The following CKAP2 variants were observed in gnomAD, a reference collection of about 807,000 sequenced individuals.
CKAP2 encodes cytoskeleton-associated protein 2.
CKAP2 carries 46 observed loss-of-function variants against 58.4 expected under a neutral mutation model. That is an observed-to-expected ratio of 0.79 (90% CI 0.62 to 1.01). The LOEUF is 1.01. CKAP2 is among the 50% of genes least tolerant of loss of function. CKAP2 has a pLI of 0.00. For missense variants in CKAP2, 809 were observed against 796.4 expected (o/e 1.02, Z -0.19); for synonymous variants, 293 against 280.9 (o/e 1.04, Z -0.43).
chr13:52,475,072 A>G lies in CKAP2; in HGVS notation c.1980A>G (p.Glu660=). Residue 660 remains glutamate, a synonymous_variant, in exon 9 of 9, where the codon GAA becomes GAG. Transcript: ENST00000258607. The part of the protein sequence containing the change: ...SLEQLTELGR[E]TDAFVCRPNA... ...AACAGCTAACGGAGTTGGGAAGAGA[A>G]ACTGATGCTTTTGTATGCCGCCCTA... The G allele has an allele frequency of 6.2e-7, 1 of 1,614,232 alleles. No individual in the cohort carries two copies. The highest frequency in any genetic ancestry group is 8.5e-7 in the Non-Finnish European group (1 of 1,180,034).
At position 52,471,107 on chromosome 13, in the gene CKAP2, A is replaced by G. The variant is rs191150606; in HGVS notation, c.1547-2722A>G. Among the ~76,000 whole-genome samples the G allele has an allele frequency of 7.4e-3, 1,126 of 152,188 alleles. 6 individuals are homozygous for G. The highest frequency in any genetic ancestry group is 0.017 in the African/African-American group (703 of 41,522). Reference sequence around the variant, plus strand: ...CGGGAAGTGGAGGTTGCAGTGAGCCAAGATCGCACCACTGCACTCCAGCCT... The same window carrying G: ...CGGGAAGTGGAGGTTGCAGTGAGCCGAGATCGCACCACTGCACTCCAGCCT... On this transcript the variant is annotated intron_variant, in intron 7 of 8. Coordinates refer to ENST00000258607, the MANE Select transcript of CKAP2 (RefSeq NM_018204.5).
At chr13:52,465,195 A>T (rs1958646396) in intron 5 of CKAP2, 100 bp from the exon 6 acceptor site, 2 of 982,280 alleles carry the variant, frequency 2.0e-6, no homozygotes, top group African/African-American at 1.6e-5. Context: ...CTTTATGCTT[A>T]GGGCTATCGT....
intron 1 of CKAP2, 84 bp downstream of exon 1, chr13:52,455,710 T>C: frequency 8.2e-6 from 11 of 1,347,690 alleles, no homozygotes; most frequent in Non-Finnish European, 1.1e-5. Flanking sequence ...GGGGCCGCGC[T>C]GGCGCGCTTC....
chr13:52,467,957 C>T (rs1958705547), intron 6 of CKAP2, among the ~76,000 whole-genome samples: 1 of 152,006 alleles, frequency 6.6e-6, no homozygotes, highest in Non-Finnish European at 1.5e-5. Context: ...CTACAGGCGC[C>T]TGCCACCACG....
At chr13:52,465,940 T>TATACACACATATAC in intron 6 of CKAP2, 1 of 300,816 alleles carries the variant, frequency 3.3e-6, no homozygotes, top group East Asian at 8.0e-5. Flanking sequence ...CACACATATA[T>TATACACACATATAC]ATACACATAT....
chr13:52,472,661 C>T (rs1431203075), intron 7 of CKAP2, among the ~76,000 whole-genome samples: 1 of 152,094 alleles, frequency 6.6e-6, no homozygotes, highest in African/African-American at 2.4e-5. Context: ...AAACTCTTCT[C>T]TGGCATTTAT....
In CKAP2 at chr13:52,461,863, C is replaced by T. The variant is rs775165143; in HGVS notation, c.1037C>T (p.Thr346Ile). ...KSEPVDQRRH[T>I]AGKAIVDSRS... ...GAGCCCGTTGACCAGCGAAGACATACTGCAGGAAAAGCAATTGTTGATAGT... is the reference window on the plus strand; with the variant it reads ...GAGCCCGTTGACCAGCGAAGACATATTGCAGGAAAAGCAATTGTTGATAGT... The change falls in exon 4 of 9, where the codon ACT becomes ATT. Residue 346 changes from threonine (T) to isoleucine (I), a missense_variant. Transcript: ENST00000258607. 1 of 1,614,030 alleles carries T rather than the reference C, an allele frequency of 6.2e-7. No homozygotes were observed. Among genetic ancestry groups the T allele is most frequent in the Admixed American group, 1.7e-5 (1 of 59,996 alleles).
chr13:52,464,598 A>G (rs1594138371), intron 5 of CKAP2, among the ~76,000 whole-genome samples: 1 of 151,728 alleles, frequency 6.6e-6, no homozygotes, highest in East Asian at 1.9e-4. Context: ...CTAAGCCAAC[A>G]TCATCATGTT....
In CKAP2 at chr13:52,461,122, G is replaced by A. The variant is rs979583979; in HGVS notation, c.296G>A (p.Cys99Tyr). The A allele has an allele frequency of 3.7e-6, 6 of 1,611,726 alleles. No individual in the cohort carries two copies. The highest frequency in any genetic ancestry group is 5.1e-6 in the Non-Finnish European group (6 of 1,179,362). Residue 99 changes from cysteine (C) to tyrosine (Y), a missense_variant, in exon 4 of 9, where the codon TGT becomes TAT. Transcript: ENST00000258607. ...SKNNTVVGKH[C>Y]IPLKPSNELT... is the part of the protein sequence containing the mutation. ...AATAATACAGTGGTGGGGAAACATTGTATTCCTTTAAAACCTTCAAATGAA... is the reference window on the plus strand; with the variant it reads ...AATAATACAGTGGTGGGGAAACATTATATTCCTTTAAAACCTTCAAATGAA...
In CKAP2 at chr13:52,461,144, T is replaced by C; in HGVS notation, c.318T>C (p.Asn106=). The C allele has an allele frequency of 6.2e-7, 1 of 1,613,202 alleles. No homozygotes were observed. Among genetic ancestry groups the C allele is most frequent in the Non-Finnish European group, 8.5e-7 (1 of 1,179,802 alleles). Residue 106 remains asparagine, a synonymous_variant, in exon 4 of 9, where the codon AAT becomes AAC. Coordinates refer to ENST00000258607, the MANE Select transcript of CKAP2 (RefSeq NM_018204.5). ...ATTGTATTCCTTTAAAACCTTCAAA[T>C]GAACTAACCAATTCAACTGTAGTAA... is the stretch of plus-strand genomic sequence containing the variant. ...GKHCIPLKPS[N]ELTNSTVVID...
At chr13:52,468,032 G>A (rs1387771440) in intron 6 of CKAP2, among the ~76,000 whole-genome samples, 1 of 152,074 alleles carries the variant, frequency 6.6e-6, no homozygotes. Flanking sequence ...GGATGGTCTT[G>A]ATCTCCTGAC....
Position 52,475,165 on chromosome 13 carries a change from A to G in CKAP2, c.*24A>G, listed in dbSNP as rs201310249. The G allele has an allele frequency of 2.1e-4, 331 of 1,602,694 alleles. No homozygotes were observed. In the African/African-American group the frequency reaches 4.0e-3, roughly 19 times the overall value. ...AAGAGAAATAAAGCTCTGTTAGGGA[A>G]TGGGGTTTTTATTATTTGTGGGGTG... On this transcript the variant is annotated 3_prime_UTR_variant, in exon 9 of 9. Coordinates refer to ENST00000258607, the MANE Select transcript of CKAP2 (RefSeq NM_018204.5).
At chr13:52,474,860 G>T (rs768340962) in intron 8 of CKAP2, 35 bp from the exon 9 acceptor site, 2 of 1,592,152 alleles carry the variant, frequency 1.3e-6, no homozygotes, top group Non-Finnish European at 1.7e-6. Flanking sequence ...ATGTTAACAT[G>T]TTTTTGAACT....
rs1958665177 is a variant in CKAP2 at position 52,465,943 on chromosome 13, ACACATATATATG to A, written c.1476+483_1476+494del. ...CACATATATATACACACATATATAT[ACACATATATATG>A]CACACATATATACACACATATATGC... On this transcript the variant is annotated intron_variant, in intron 6 of 8. Coordinates refer to ENST00000258607, the MANE Select transcript of CKAP2 (RefSeq NM_018204.5). The A allele has an allele frequency of 9.8e-5, 21 of 214,178 alleles. 1 individual carries two copies. The highest frequency in any genetic ancestry group is 6.0e-4 in the South Asian group (18 of 29,838). 13.3% of individuals were successfully genotyped at this position (214,178 alleles called of 1,614,324 possible).
chr13:52,461,244 C>T lies in CKAP2; in HGVS notation c.418C>T (p.His140Tyr). ...LLTEDDPQSQHMTLSQAFHLK... is the reference protein window; with the variant it reads ...LLTEDDPQSQYMTLSQAFHLK... ...AACTGAAGATGATCCCCAAAGTCAA[C>T]ATATGACATTAAGCCAGGCATTTCA... Residue 140 changes from histidine to tyrosine, a missense_variant, in exon 4 of 9, where the codon CAT (histidine) becomes TAT (tyrosine). By Grantham distance (83) the His-to-Tyr change is moderately conservative (BLOSUM62 2). Transcript: ENST00000258607. 6.2e-7 allele frequency: 1 copy of T among 1,613,786 alleles called. No individual in the cohort carries two copies. The highest frequency in any genetic ancestry group is 2.2e-5 in the East Asian group (1 of 44,872).
Position 52,474,880 on chromosome 13 carries a change from T to C in CKAP2, c.1803-15T>C, listed in dbSNP as rs1165285060. 6.2e-7 allele frequency: 1 copy of C among 1,605,182 alleles called. No homozygotes were observed. Among genetic ancestry groups the C allele is most frequent in the Non-Finnish European group, 8.5e-7 (1 of 1,174,336 alleles). The stretch of plus-strand genomic sequence containing the variant: ...AACATGTTTTTGAACTCTGGAATAT[T>C]GTTTTAATTTTCAGTGTGAAAAAAA... On this transcript the variant is annotated splice_polypyrimidine_tract_variant and intron_variant, in intron 8 of 8. Coordinates refer to ENST00000258607, the MANE Select transcript of CKAP2 (RefSeq NM_018204.5).
intron 6 of CKAP2, among the ~76,000 whole-genome samples, chr13:52,467,954 C>T (rs1002629593): frequency 1.3e-5 from 2 of 151,888 alleles, no homozygotes; most frequent in Non-Finnish European, 2.9e-5. Context: ...GGACTACAGG[C>T]GCCTGCCACC....
chr13:52,473,054 A>AC (rs1335065971), intron 7 of CKAP2, among the ~76,000 whole-genome samples: 1 of 152,114 alleles, frequency 6.6e-6, no homozygotes, highest in Non-Finnish European at 1.5e-5. Flanking sequence ...CTCTAAAAAA[A>AC]AAAAAAAAAT....
intron 1 of CKAP2, chr13:52,456,126 T>C (rs1251586456): frequency 2.9e-6 from 3 of 1,022,666 alleles, no homozygotes; most frequent in Non-Finnish European, 3.5e-6. Flanking sequence ...TGTTATTCCC[T>C]TATTCTACAC....
Sources: gnomAD v4.1 joint callset for allele counts (sites outside exome capture counted in the v4.1 genomes callset) on GRCh38, gnomAD v4.1.1 for gene constraint, MANE v1.5 for transcripts, NCBI Gene and HGNC (gene_info 2026-07-23, HGNC 2026-07-21) for gene names.